The following DIP2C variants were observed in gnomAD, a reference collection of about 807,000 sequenced individuals.
DIP2C encodes DIP2 acetate--CoA ligase C (putative).
A neutral mutation model predicts 192.4 loss-of-function variants in DIP2C; 33 were observed. That is an observed-to-expected ratio of 0.17 (90% CI 0.13 to 0.23). The LOEUF (loss-of-function observed/expected upper bound fraction) is 0.23. Ranked by LOEUF, DIP2C falls within the 10% of genes least tolerant of loss-of-function variation. DIP2C has a pLI of 1.00. For missense variants in DIP2C, 1,537 were observed against 2,110.1 expected (o/e 0.73, Z 5.32); for synonymous variants, 979 against 864.1 (o/e 1.13, Z -2.33).
chr10:390,047 C>G lies in DIP2C; in HGVS notation c.1541G>C (p.Arg514Thr). 1 of 1,614,176 alleles carries G rather than the reference C, an allele frequency of 6.2e-7. No homozygotes were observed. Among genetic ancestry groups the G allele is most frequent in the Non-Finnish European group, 8.5e-7 (1 of 1,180,014 alleles). Residue 514 changes from arginine (R) to threonine (T), a missense_variant, in exon 13 of 37, where the codon AGG becomes ACG. Arg to Thr is a moderately conservative substitution (Grantham distance 71). Around this residue, in one of 4 missense-constraint regions of DIP2C, gnomAD observed 677 missense variants for 989.9 expected, o/e 0.68. Transcript: ENST00000280886. ...CTGGCAGTGTGTCAGCAGCGCAGTC[C>G]TCGTCACCGTCACACCCAGCACACT... ...DGSVLGVTVTRTALLTHCQAL... is the reference protein window; with the variant it reads ...DGSVLGVTVTTTALLTHCQAL...
chr10:689,432 C>T lies in DIP2C; in HGVS notation c.85+62G>A. On this transcript the variant is annotated intron_variant, in intron 1 of 36. Transcript: ENST00000280886. The surrounding 1 kb of genome is among the most constrained non-coding windows in gnomAD (Gnocchi z 6.1). ...CCCGCCGCAGGCCCCGCGCCCCCAG[C>T]CCTCCGCGCGCGGCCCTCCCCGGTG... 1 of 988,906 alleles carries T rather than the reference C, an allele frequency of 1.0e-6. No homozygotes were observed. The highest frequency in any genetic ancestry group is 1.2e-6 in the Non-Finnish European group (1 of 821,316). 61.3% of individuals were successfully genotyped at this position (988,906 alleles called of 1,614,324 possible).
intron 1 of DIP2C, among the ~76,000 whole-genome samples, chr10:640,939 C>A (rs1855160290): frequency 6.6e-6 from 1 of 152,068 alleles, no homozygotes; most frequent in South Asian, 2.1e-4. Flanking sequence ...ACGTGCTCAT[C>A]GGACTGGGCA....
At position 520,008 on chromosome 10, in the gene DIP2C, G is replaced by C. The variant is rs188568221; in HGVS notation, c.86-33478C>G. Reference sequence around the variant, plus strand: ...GCAGGAAGCTCCACTCGGAGTAACAGCGATGGTTCTCCCCAGAGCCAACGG... The same window carrying C: ...GCAGGAAGCTCCACTCGGAGTAACACCGATGGTTCTCCCCAGAGCCAACGG... On this transcript the variant is annotated intron_variant, in intron 1 of 36. Coordinates refer to ENST00000280886, the MANE Select transcript of DIP2C (RefSeq NM_014974.3). Among the ~76,000 whole-genome samples, 170 of 152,344 alleles carry C rather than the reference G, an allele frequency of 1.1e-3. 1 individual carries two copies. The highest frequency in any genetic ancestry group is 8.9e-3 in the Admixed American group (136 of 15,308).
chr10:561,708 C>T (rs530222638), intron 1 of DIP2C, among the ~76,000 whole-genome samples: 2 of 152,356 alleles, frequency 1.3e-5, no homozygotes, highest in East Asian at 1.9e-4. Context: ...AGCAACACAA[C>T]TCCTGGTCCC....
chr10:405,387 A>G (rs1272266178), intron 9 of DIP2C, among the ~76,000 whole-genome samples: 2 of 152,266 alleles, frequency 1.3e-5, no homozygotes, highest in African/African-American at 4.8e-5. Flanking sequence ...GTGGTATAAC[A>G]AAGTTAATAA....
At chr10:602,187 C>G (rs548869111) in intron 1 of DIP2C, among the ~76,000 whole-genome samples, 1 of 152,292 alleles carries the variant, frequency 6.6e-6, no homozygotes, top group South Asian at 2.1e-4. Context: ...GAAGAAAACT[C>G]CTGCAGTCCT....
intron 19 of DIP2C, 21 bp downstream of exon 19, chr10:366,254 G>T: frequency 6.2e-7 from 1 of 1,610,564 alleles, no homozygotes. Flanking sequence ...GGTGCCCATG[G>T]TAAGACTCTC....
In DIP2C at chr10:600,635, G is replaced by A. The variant is rs140056279; in HGVS notation, c.85+88859C>T. On this transcript the variant is annotated intron_variant, in intron 1 of 36. Transcript: ENST00000280886. Reference sequence around the variant, plus strand: ...GTTTCCGGATGCTCCTCAATGACCCGACAGCCCTTTCCACCTTAAAGAGGA... The same window carrying A: ...GTTTCCGGATGCTCCTCAATGACCCAACAGCCCTTTCCACCTTAAAGAGGA... Among the ~76,000 whole-genome samples, 795 of 151,358 alleles carry A rather than the reference G, an allele frequency of 5.3e-3. 9 individuals are homozygous for A. Among genetic ancestry groups the A allele is most frequent in the Admixed American group, 6.9e-3 (105 of 15,248 alleles).
chr10:420,238 A>G lies in DIP2C; in HGVS notation c.605-1039T>C, dbSNP rs1195279280. Among the ~76,000 whole-genome samples, 3 of 152,236 alleles carry G rather than the reference A, an allele frequency of 2.0e-5. No homozygotes were observed. In the East Asian group the frequency reaches 5.8e-4, roughly 29 times the overall value. On this transcript the variant is annotated intron_variant, in intron 5 of 36. Coordinates refer to ENST00000280886, the MANE Select transcript of DIP2C (RefSeq NM_014974.3). ...CTGAACGCACAAAAACAGGACACAGAAGATCGAGGCACAGAAGAGGCCGTG... is the reference window on the plus strand; with the variant it reads ...CTGAACGCACAAAAACAGGACACAGGAGATCGAGGCACAGAAGAGGCCGTG...
At chr10:555,988 C>T (rs1255728005) in intron 1 of DIP2C, among the ~76,000 whole-genome samples, 3 of 152,120 alleles carry the variant, frequency 2.0e-5, no homozygotes, top group Non-Finnish European at 1.5e-5. Flanking sequence ...CCCAACACAC[C>T]TCAAATTCTC....
intron 1 of DIP2C, among the ~76,000 whole-genome samples, chr10:672,900 A>C (rs1830717214): frequency 1.3e-5 from 2 of 152,240 alleles, no homozygotes. Flanking sequence ...TCCATGACAC[A>C]CATAAAAAAA....
intron 9 of DIP2C, among the ~76,000 whole-genome samples, chr10:401,126 C>T (rs563978359): frequency 1.3e-5 from 2 of 148,896 alleles, no homozygotes; most frequent in South Asian, 2.2e-4. Context: ...ATTAGCATTA[C>T]TCTTCCTTAT....
chr10:370,693 T>A (rs1960853133), intron 17 of DIP2C, among the ~76,000 whole-genome samples: 1 of 152,250 alleles, frequency 6.6e-6, no homozygotes, highest in Non-Finnish European at 1.5e-5. Flanking sequence ...AACGGTTATC[T>A]AAGTGAGTCA....
chr10:415,210 T>C (rs1230328198), intron 7 of DIP2C, among the ~76,000 whole-genome samples: 3 of 152,122 alleles, frequency 2.0e-5, no homozygotes, highest in Non-Finnish European at 4.4e-5. Flanking sequence ...GACTTGTCTG[T>C]CACTTTATGA....
intron 1 of DIP2C, among the ~76,000 whole-genome samples, chr10:557,548 G>A (rs1365279622): frequency 6.7e-6 from 1 of 150,260 alleles, no homozygotes; most frequent in Admixed American, 6.6e-5. Flanking sequence ...GCCAAAGGCT[G>A]CCAGGACCCC....
intron 3 of DIP2C, among the ~76,000 whole-genome samples, chr10:449,799 GAAGTA>G (rs1277676778): frequency 9.7e-5 from 11 of 113,576 alleles, no homozygotes; most frequent in African/African-American, 5.2e-4. Flanking sequence ...AAAAAAAAAA[GAAGTA>G]AACACATTCA....
At chr10:447,444 C>T (rs1439431044) in intron 3 of DIP2C, among the ~76,000 whole-genome samples, 1 of 150,420 alleles carries the variant, frequency 6.6e-6, no homozygotes, top group Non-Finnish European at 1.5e-5. Context: ...GGATCACACA[C>T]AGTGGGGCAG....
At position 363,454 on chromosome 10, in the gene DIP2C, T is replaced by A. The variant is rs1959783570; in HGVS notation, c.2478-143A>T. ...AAAACGGCCGCTGTACTTCCGAATT[T>A]CCCCACACTCATCAGTACGGGAAGA... On this transcript the variant is annotated intron_variant, in intron 20 of 36. Coordinates refer to ENST00000280886, the MANE Select transcript of DIP2C (RefSeq NM_014974.3). This position sits in a 1 kb window ranked among gnomAD's most constrained non-coding sequence, Gnocchi z 5.4. The A allele has an allele frequency of 1.4e-6, 1 of 690,180 alleles. No homozygotes were observed. Among genetic ancestry groups the A allele is most frequent in the African/African-American group, 1.8e-5 (1 of 55,998 alleles). The allele number at this position is 690,180 out of a possible 1,614,324, so 42.8% of individuals were successfully genotyped here.
chr10:625,291 T>G (rs1466431586), intron 1 of DIP2C, among the ~76,000 whole-genome samples: 1 of 152,112 alleles, frequency 6.6e-6, no homozygotes, highest in African/African-American at 2.4e-5. Context: ...CCCATGACAG[T>G]GACTCAGAGC....
Sources: gnomAD v4.1 joint callset for allele counts (sites outside exome capture counted in the v4.1 genomes callset) on GRCh38, gnomAD v4.1.1 for gene constraint, gnomAD v4.1.1 regional missense constraint, Gnocchi (gnomAD v3.1) non-coding constraint, MANE v1.5 for transcripts, NCBI Gene and HGNC (gene_info 2026-07-23, HGNC 2026-07-21) for gene names.